Variants in FBXO31 observed in about 807,000 individuals in gnomAD.
FBXO31 encodes the protein F-box only protein 31.
In FBXO31, 24 loss-of-function variants were observed where a neutral mutation model predicts 54.4. The ratio of observed to expected loss-of-function variants is 0.44; its 90% confidence interval spans 0.32 to 0.62. FBXO31 has a LOEUF of 0.62. Ranked by LOEUF, FBXO31 falls within the 20% of genes least tolerant of loss-of-function variation. The pLI, the probability that FBXO31 is intolerant of heterozygous loss-of-function variation, is 0.05. For missense variants in FBXO31, 665 were observed against 787.1 expected (o/e 0.84, Z 1.86); for synonymous variants, 388 against 335.6 (o/e 1.16, Z -1.71).
intron 5 of FBXO31, among the ~76,000 whole-genome samples, chr16:87,342,032 C>T (rs1905211871): frequency 6.6e-6 from 1 of 152,130 alleles, no homozygotes; most frequent in Admixed American, 6.5e-5. Context: ...GGCAACATGG[C>T]ATAACCCCGT....
At position 87,334,187 on chromosome 16, in the gene FBXO31, G is replaced by A. The variant is rs763695860; in HGVS notation, c.1096C>T (p.Leu366Phe). 2.0e-5 allele frequency: 32 copies of A among 1,612,694 alleles called. No individual in the cohort carries two copies. The highest frequency in any genetic ancestry group is 3.3e-5 in the Admixed American group (2 of 59,964). The change falls in exon 8 of 9, where the codon CTC becomes TTC. Residue 366 changes from leucine to phenylalanine, a missense_variant. This residue lies in a region of FBXO31 where 165 missense variants were observed against 159.7 expected (regional missense o/e 1.03). Transcript: ENST00000311635. ...DLENQRNFNE[L>F]SRIVLEVRER... ...CGCACCTCCAGGACGATGCGGGAGA[G>A]CTCATTGAAGTTGCGCTGGTTCTCG...
chr16:87,359,642 G>T (rs1037252176), intron 2 of FBXO31, among the ~76,000 whole-genome samples: 4 of 152,228 alleles, frequency 2.6e-5, no homozygotes, highest in Admixed American at 2.0e-4. Flanking sequence ...CGTGGGGTAT[G>T]AGACACTCAC....
chr16:87,331,922 T>G (rs868089396), intron 8 of FBXO31, among the ~76,000 whole-genome samples: 8 of 152,242 alleles, frequency 5.3e-5, no homozygotes, highest in African/African-American at 7.2e-5. Context: ...AAAAAAAATC[T>G]TAATGTCTGG....
chr16:87,363,519 G>T (rs1348157533), intron 1 of FBXO31, among the ~76,000 whole-genome samples: 1 of 152,248 alleles, frequency 6.6e-6, no homozygotes. Context: ...AATTTCTTAA[G>T]TGAAAATTTG....
intron 1 of FBXO31, among the ~76,000 whole-genome samples, chr16:87,382,657 A>G (rs2150700748): frequency 6.6e-6 from 1 of 152,310 alleles, no homozygotes; most frequent in East Asian, 1.9e-4. Flanking sequence ...TTTGAGACCA[A>G]GTCGCACTCT....
At chr16:87,384,900 C>G (rs1053468840), upstream of FBXO31, among the ~76,000 whole-genome samples, 3 of 148,898 alleles carry the variant, frequency 2.0e-5, no homozygotes. Flanking sequence ...AATGGCTGGG[C>G]GCGGTGGCTC....
At chr16:87,361,767 G>A (rs528054332) in intron 1 of FBXO31, among the ~76,000 whole-genome samples, 1 of 152,286 alleles carries the variant, frequency 6.6e-6, no homozygotes, top group African/African-American at 2.4e-5. Flanking sequence ...TAAAGCTCGA[G>A]AAGCAGACAG....
intron 2 of FBXO31, among the ~76,000 whole-genome samples, chr16:87,353,274 A>C (rs890567497): frequency 1.3e-5 from 2 of 152,030 alleles, no homozygotes; most frequent in Non-Finnish European, 2.9e-5. Context: ...CCCTGTGATG[A>C]CACAAGGCCT....
Position 87,331,047 on chromosome 16 carries a change from G to C in FBXO31, c.*241C>G, listed in dbSNP as rs1214919295. On this transcript the variant is annotated 3_prime_UTR_variant, in exon 9 of 9. Coordinates refer to ENST00000311635, the MANE Select transcript of FBXO31 (RefSeq NM_024735.5). ...CTGTCCCCTACATCTGCTGTATTCA[G>C]GCTCGTTCTCTCTGTTTTTGGTAAG... 2.0e-6 allele frequency: 1 copy of C among 506,080 alleles called. No homozygotes were observed. The highest frequency in any genetic ancestry group is 3.3e-5 in the Admixed American group (1 of 30,280). 31.3% of individuals were successfully genotyped at this position (506,080 alleles called of 1,614,324 possible).
rs1232080950 is a variant in FBXO31 at position 87,383,418 on chromosome 16, C to T, written c.327G>A (p.Arg109=). 6 of 1,564,828 alleles carry T rather than the reference C, an allele frequency of 3.8e-6. No individual in the cohort carries two copies. The highest frequency in any genetic ancestry group is 2.8e-5 in the African/African-American group (2 of 71,748). The change falls in exon 1 of 9, where the codon AGG becomes AGA. Residue 109 remains arginine (R), a synonymous_variant. Coordinates refer to ENST00000311635, the MANE Select transcript of FBXO31 (RefSeq NM_024735.5). This position sits in a 1 kb window ranked among gnomAD's most constrained non-coding sequence, Gnocchi z 4.9. The part of the protein sequence containing the change: ...RILHTDTIWR[R]RCREEYGVCE... ...CCGCGCGCTCACCCTCACGGCAACGCCTCCTCCAGATGGTGTCGGTGTGGA... is the reference window on the plus strand; with the variant it reads ...CCGCGCGCTCACCCTCACGGCAACGTCTCCTCCAGATGGTGTCGGTGTGGA...
At chr16:87,375,186 G>T (rs1906770760) in intron 1 of FBXO31, among the ~76,000 whole-genome samples, 1 of 152,162 alleles carries the variant, frequency 6.6e-6, no homozygotes. Flanking sequence ...GGCGCCTGTA[G>T]TCCCACCTAC....
chr16:87,386,850 G>C (rs1907343246), upstream of FBXO31, among the ~76,000 whole-genome samples: 5 of 152,208 alleles, frequency 3.3e-5, no homozygotes. Flanking sequence ...TGAGCTGTTT[G>C]AAAGAAAATA....
chr16:87,384,035 G>A (rs1011851306), upstream of FBXO31: 22 of 187,210 alleles, frequency 1.2e-4, no homozygotes, highest in Middle Eastern at 4.0e-3. Context: ...CCCGTGTGAG[G>A]CTCGAACTCA....
chr16:87,366,609 G>T (rs1244834661), intron 1 of FBXO31, among the ~76,000 whole-genome samples: 1 of 152,190 alleles, frequency 6.6e-6, no homozygotes, highest in African/African-American at 2.4e-5. Flanking sequence ...GAGCAGGACT[G>T]GCTTTCAGGA....
chr16:87,370,186 G>A (rs539179760), intron 1 of FBXO31, among the ~76,000 whole-genome samples: 5 of 152,338 alleles, frequency 3.3e-5, no homozygotes, highest in African/African-American at 9.6e-5. Context: ...GCCCGGGGAA[G>A]ACTCATCTGC....
upstream of FBXO31, among the ~76,000 whole-genome samples, chr16:87,387,902 A>G (rs1907381605): frequency 2.6e-5 from 4 of 152,226 alleles, no homozygotes; most frequent in African/African-American, 7.2e-5. Flanking sequence ...CCACTGCTCA[A>G]AAGAACTAGT....
chr16:87,362,994 A>G (rs548362421), intron 1 of FBXO31, among the ~76,000 whole-genome samples: 4 of 152,330 alleles, frequency 2.6e-5, no homozygotes, highest in South Asian at 2.1e-4. Context: ...AGGAGCTGAC[A>G]TGCAGCATGA....
intron 1 of FBXO31, among the ~76,000 whole-genome samples, chr16:87,374,398 C>T (rs1906734731): frequency 6.6e-6 from 1 of 152,152 alleles, no homozygotes; most frequent in Non-Finnish European, 1.5e-5. Flanking sequence ...TCGAAAATCG[C>T]TTTATTGTAT....
chr16:87,364,929 TC>T (rs1259982283), intron 1 of FBXO31, among the ~76,000 whole-genome samples: 1 of 143,158 alleles, frequency 7.0e-6, no homozygotes, highest in Non-Finnish European at 1.5e-5. Flanking sequence ...ATCATCTGAG[TC>T]CAGGAGGTCG....
Sources: allele counts gnomAD v4.1 joint callset (sites outside exome capture counted in the v4.1 genomes callset), GRCh38; gene constraint gnomAD v4.1.1; regional missense constraint gnomAD v4.1.1; non-coding constraint Gnocchi (gnomAD v3.1); transcripts MANE v1.5; gene names NCBI Gene and HGNC (gene_info 2026-07-23, HGNC 2026-07-21).